The following ABCC3 variants were observed in gnomAD, a reference collection of about 807,000 sequenced individuals.
ABCC3 encodes ATP-binding cassette sub-family C member 3.
ABCC3 carries 121 observed loss-of-function variants against 165.3 expected under a neutral mutation model. The observed-to-expected ratio is 0.73, with a 90% CI of 0.63 to 0.85. The LOEUF is 0.85. Among genes scored for constraint, ABCC3 ranks in the 40% least tolerant of loss-of-function variants. The pLI, the probability that ABCC3 is intolerant of heterozygous loss-of-function variation, is 0.00. For synonymous variants in ABCC3, 733 were observed against 810.1 expected (o/e 0.90, Z 1.62); for missense variants, 1,869 against 1,964.1 (o/e 0.95, Z 0.92).
intron 26 of ABCC3, among the ~76,000 whole-genome samples, chr17:50,683,326 A>G (rs1967958008): frequency 6.7e-6 from 1 of 149,318 alleles, no homozygotes; most frequent in African/African-American, 2.5e-5. Flanking sequence ...ATGAGCCATG[A>G]TTGAGACCCT....
At chr17:50,663,501 A>G (rs1967442952) in intron 8 of ABCC3, 180 bp from the exon 9 acceptor site, 2 of 638,392 alleles carry the variant, frequency 3.1e-6, no homozygotes, top group Non-Finnish European at 5.4e-6. Context: ...GAGTGGAGCC[A>G]GGAGGTCGTG....
rs759592818 is a variant in ABCC3, at chr17:50,687,526, C to T, written c.4281-10C>T. On this transcript the variant is annotated splice_polypyrimidine_tract_variant and intron_variant, in intron 29 of 30. Coordinates refer to ENST00000285238, the MANE Select transcript of ABCC3 (RefSeq NM_003786.4). ...CCCCAGCTGGAAATGCCTGCCTTCT[C>T]CACTCCCAGCGTGGGCCAGAGGCAG... is the stretch of plus-strand genomic sequence containing the variant. The T allele has an allele frequency of 2.5e-6, 4 of 1,610,932 alleles. No homozygotes were observed. Among genetic ancestry groups the T allele is most frequent in the Non-Finnish European group, 3.4e-6 (4 of 1,178,950 alleles).
intron 12 of ABCC3, 27 bp from the exon 13 acceptor site, chr17:50,667,836 C>T (rs757696799): frequency 2.1e-5 from 34 of 1,613,572 alleles, no homozygotes; most frequent in Non-Finnish European, 2.9e-5. Context: ...TTGGACTCTA[C>T]CCTGACACCA....
Position 50,682,894 on chromosome 17 carries a change from A to G in ABCC3, c.3808-716A>G, listed in dbSNP as rs137997623. Among the ~76,000 whole-genome samples, 589 of 152,278 alleles carry G rather than the reference A, an allele frequency of 3.9e-3. 2 individuals are homozygous for G. Among genetic ancestry groups the G allele is most frequent in the Non-Finnish European group, 5.8e-3 (393 of 68,016 alleles). ...AATGAGAGGGGGAGTTAGGGCAGGC[A>G]GGGAGGGCACTTCAAGGAATATAAG... On this transcript the variant is annotated intron_variant, in intron 26 of 30. Transcript: ENST00000285238.
rs1227327827 is a variant in ABCC3, at chr17:50,657,598, C to T, written c.486+415C>T. Among the ~76,000 whole-genome samples, 3 of 152,204 alleles carry T rather than the reference C, an allele frequency of 2.0e-5. No homozygotes were observed. The East Asian group carries it at 5.8e-4, about 29-fold the overall frequency. Reference sequence around the variant, plus strand: ...CTCAGTTCCTGGCCTTCCTCTTGATCTTCAGTGGCTGTGATGTTGGGCTGG... The same window carrying T: ...CTCAGTTCCTGGCCTTCCTCTTGATTTTCAGTGGCTGTGATGTTGGGCTGG... On this transcript the variant is annotated intron_variant, in intron 4 of 30. Coordinates refer to ENST00000285238, the MANE Select transcript of ABCC3 (RefSeq NM_003786.4).
intron 30 of ABCC3, among the ~76,000 whole-genome samples, chr17:50,689,059 C>G (rs1406947959): frequency 6.6e-6 from 1 of 152,122 alleles, no homozygotes; most frequent in Non-Finnish European, 1.5e-5. Context: ...AAAAATTAGC[C>G]TCTCATGTGG....
chr17:50,659,358 C>CAGA lies in ABCC3; in HGVS notation c.797_799dup (p.Gln266_Thr267insLys), dbSNP rs977883474. On this transcript the variant is annotated inframe_insertion, in exon 7 of 31. Transcript: ENST00000285238. The stretch of plus-strand genomic sequence containing the variant: ...GGAGGCATGGAGGAAGCAGGAAAAG[C>CAGA]AGACGGCACGGTGAGGCCCTCCCCT... 3 of 1,609,506 alleles carry CAGA rather than the reference C, an allele frequency of 1.9e-6. No homozygotes were observed. In the African/African-American group the frequency reaches 4.0e-5, roughly 21 times the overall value.
At chr17:50,676,639 C>T in intron 23 of ABCC3, 51 bp downstream of exon 23, 1 of 502,614 alleles carries the variant, frequency 2.0e-6, no homozygotes, top group East Asian at 5.7e-5. Context: ...TGGGGCGGGG[C>T]AACACATGGG....
Position 50,677,853 on chromosome 17 carries a change from C to G in ABCC3, c.3488C>G (p.Ala1163Gly). The change falls in exon 24 of 31, where the codon GCC (alanine) becomes GGC (glycine). Residue 1163 changes from alanine (A) to glycine (G), a missense_variant. Ala to Gly is a moderately conservative substitution (Grantham distance 60). Coordinates refer to ENST00000285238, the MANE Select transcript of ABCC3 (RefSeq NM_003786.4). Reference protein sequence around the residue: ...ETVTGASVIRAYNRSRDFEII... With the variant: ...ETVTGASVIRGYNRSRDFEII... ...GTGACTGGTGCCAGTGTCATCCGGG[C>G]CTACAACCGCAGCCGGGATTTTGAG... 1 of 1,614,144 alleles carries G rather than the reference C, an allele frequency of 6.2e-7. No individual in the cohort carries two copies. The highest frequency in any genetic ancestry group is 8.5e-7 in the Non-Finnish European group (1 of 1,180,030).
intron 29 of ABCC3, chr17:50,687,186 T>G: frequency 7.7e-6 from 2 of 260,180 alleles, no homozygotes; most frequent in Non-Finnish European, 1.5e-5. Flanking sequence ...CATGCAAGTA[T>G]GTTCTTACTA....
In ABCC3 at chr17:50,679,902, G is replaced by A; in HGVS notation, c.3807+3G>A. The A allele has an allele frequency of 6.2e-7, 1 of 1,612,668 alleles. No individual in the cohort carries two copies. The highest frequency in any genetic ancestry group is 8.5e-7 in the Non-Finnish European group (1 of 1,178,766). ...AGTACTCCAAGACAGAGACAGAGGT[G>A]GGTACTGGCATGAGCCCGGGACAGG... On this transcript the variant is annotated splice_donor_region_variant and intron_variant, in intron 26 of 30. Coordinates refer to ENST00000285238, the MANE Select transcript of ABCC3 (RefSeq NM_003786.4).
intron 30 of ABCC3, among the ~76,000 whole-genome samples, chr17:50,689,403 G>T (rs1207729716): frequency 1.3e-5 from 2 of 152,210 alleles, no homozygotes; most frequent in African/African-American, 2.4e-5. Flanking sequence ...AGGAGAGAGG[G>T]CTGGGTGACT....
intron 1 of ABCC3, among the ~76,000 whole-genome samples, chr17:50,653,708 A>G (rs1006598679): frequency 1.3e-5 from 2 of 151,722 alleles, no homozygotes; most frequent in African/African-American, 4.8e-5. Context: ...AGCCAAGATC[A>G]CACCATTGCA....
chr17:50,646,362 C>G (rs1004767054), intron 1 of ABCC3, among the ~76,000 whole-genome samples: 2 of 152,076 alleles, frequency 1.3e-5, no homozygotes, highest in Non-Finnish European at 2.9e-5. Flanking sequence ...GGGGAAGGGA[C>G]ATTGTGCAGG....
Position 50,684,132 on chromosome 17 carries a change from A to G in ABCC3, c.4113+25A>G, listed in dbSNP as rs759194548. The G allele has an allele frequency of 3.1e-6, 5 of 1,608,342 alleles. No individual in the cohort carries two copies. In the South Asian group the frequency reaches 4.4e-5, roughly 14 times the overall value. ...GGTAGGAGCCTGGCATGGGCTGGCC[A>G]CACTCACCAACGGCCCTGGAGGCAG... On this transcript the variant is annotated intron_variant, in intron 28 of 30. Transcript: ENST00000285238.
intron 17 of ABCC3, among the ~76,000 whole-genome samples, chr17:50,672,213 G>C (rs975869693): frequency 6.6e-6 from 1 of 152,092 alleles, no homozygotes; most frequent in African/African-American, 2.4e-5. Context: ...ACTTTGGAAG[G>C]AACAAATATT....
Position 50,669,309 on chromosome 17 carries a change from C to A in ABCC3, c.2064+43C>A, listed in dbSNP as rs775276734. On this transcript the variant is annotated intron_variant, in intron 16 of 30. Coordinates refer to ENST00000285238, the MANE Select transcript of ABCC3 (RefSeq NM_003786.4). ...TCCTGGGCAGGGTGTGGGGCTCAGC[C>A]AGGCCTTGGGCAAGCCCCGAGGTAA... 3.7e-6 allele frequency: 6 copies of A among 1,614,028 alleles called. No individual in the cohort carries two copies. In the African/African-American group the frequency reaches 8.0e-5, roughly 22 times the overall value.
intron 1 of ABCC3, chr17:50,635,207 G>T (rs752022580): frequency 9.7e-6 from 6 of 621,136 alleles, no homozygotes; most frequent in Non-Finnish European, 1.7e-5. Flanking sequence ...TGCCCTTCCC[G>T]GCTGCAGCAC....
intron 10 of ABCC3, among the ~76,000 whole-genome samples, 160 bp from the exon 11 acceptor site, chr17:50,664,993 T>G (rs1415378865): frequency 6.6e-6 from 1 of 152,214 alleles, no homozygotes; most frequent in Non-Finnish European, 1.5e-5. Context: ...ACAAATGTTG[T>G]GGTCATTCTG....
Sources: gnomAD v4.1 joint callset for allele counts (sites outside exome capture counted in the v4.1 genomes callset) on GRCh38, gnomAD v4.1.1 for gene constraint, MANE v1.5 for transcripts, NCBI Gene and HGNC (gene_info 2026-07-23, HGNC 2026-07-21) for gene names.